Variants in FKBP5 observed in about 807,000 individuals in gnomAD.
FKBP5 encodes FKBP prolyl isomerase 5, also known as peptidyl-prolyl cis-trans isomerase FKBP5.
FKBP5 carries 23 observed loss-of-function variants against 50.5 expected under a neutral mutation model. The ratio of observed to expected loss-of-function variants is 0.46; its 90% CI spans 0.33 to 0.65. The LOEUF is 0.65. FKBP5 is among the 30% of genes least tolerant of loss of function. FKBP5 has a pLI of 0.02. For synonymous variants in FKBP5, 176 were observed against 190.6 expected, an observed-to-expected ratio of 0.92 and a Z score of 0.63; for missense variants, 411 against 553.1, an observed-to-expected ratio of 0.74 and a Z score of 2.58.
At chr6:35,644,622 G>A (rs959415161) in intron 1 of FKBP5, among the ~76,000 whole-genome samples, 3 of 152,140 alleles carry the variant, frequency 2.0e-5, no homozygotes, top group South Asian at 2.1e-4. Flanking sequence ...CAGGATAAGC[G>A]AAAGGCCAGA....
At chr6:35,601,588 AG>A (rs1339452842) in intron 5 of FKBP5, among the ~76,000 whole-genome samples, 1 of 152,204 alleles carries the variant, frequency 6.6e-6, no homozygotes, top group African/African-American at 2.4e-5. Flanking sequence ...AAAACAAAAC[AG>A]AACAAAAACC....
intron 2 of FKBP5, among the ~76,000 whole-genome samples, chr6:35,706,003 G>A (rs1018586197): frequency 2.0e-5 from 3 of 152,096 alleles, no homozygotes; most frequent in Non-Finnish European, 4.4e-5. Context: ...CCAGCTACTC[G>A]GTAGGCTGAG....
chr6:35,593,936 C>T (rs900811566), intron 6 of FKBP5, among the ~76,000 whole-genome samples: 5 of 152,064 alleles, frequency 3.3e-5, no homozygotes, highest in African/African-American at 1.2e-4. Flanking sequence ...ACTATATACA[C>T]TTGACCTAAA....
At chr6:35,647,565 T>C (rs1764664042) in intron 1 of FKBP5, among the ~76,000 whole-genome samples, 1 of 152,194 alleles carries the variant, frequency 6.6e-6, no homozygotes. Flanking sequence ...CACCAACTGT[T>C]AAGAGCAGCT....
intron 1 of FKBP5, among the ~76,000 whole-genome samples, chr6:35,655,693 C>A (rs770702822): frequency 6.6e-6 from 1 of 152,196 alleles, no homozygotes; most frequent in Non-Finnish European, 1.5e-5. Context: ...CATAAAGAAT[C>A]AGTGCTGAAA....
At chr6:35,709,252 G>A (rs1161908856) in intron 2 of FKBP5, among the ~76,000 whole-genome samples, 1 of 152,148 alleles carries the variant, frequency 6.6e-6, no homozygotes, top group Non-Finnish European at 1.5e-5. Context: ...TGGATCTCGT[G>A]AGACTTATTC....
At chr6:35,693,405 C>T (rs377083023), upstream of FKBP5, among the ~76,000 whole-genome samples, 80 of 151,908 alleles carry the variant, frequency 5.3e-4, no homozygotes, top group Middle Eastern at 3.4e-3. Context: ...CCTCCTGATC[C>T]GCCCGCCTCG....
In FKBP5 at chr6:35,581,190, T is replaced by A. The variant is rs143704979; in HGVS notation, c.841-969A>T. On this transcript the variant is annotated intron_variant, in intron 8 of 10. Coordinates refer to ENST00000357266, the MANE Select transcript of FKBP5 (RefSeq NM_004117.4). ...GAATATGAATAGTTGGATAGTAGCA[T>A]ACAACATAAATAACAACTATAAAAC... 663 of 981,838 alleles carry A rather than the reference T, an allele frequency of 6.8e-4. 21 individuals carry two copies. In the East Asian group the frequency reaches 0.049, roughly 73 times the overall value. The allele number at this position is 981,838 out of a possible 1,614,324, so 60.8% of individuals were successfully genotyped here.
At position 35,642,731 on chromosome 6, in the gene FKBP5, CCCTGT is replaced by C; in HGVS notation, c.89_93del (p.Asp30GlyfsTer13). On this transcript the variant is annotated frameshift_variant, in exon 2 of 11. Transcript: ENST00000357266. LOFTEE classifies it high-confidence loss of function. ...CTTTGTGGCCTCACCTTTAATACTC[CCCTGT>C]CTTTTTTGGAGGTAATATCCTCTCC... The C allele has an allele frequency of 6.2e-7, 1 of 1,613,602 alleles. No homozygotes were observed. The highest frequency in any genetic ancestry group is 8.5e-7 in the Non-Finnish European group (1 of 1,179,694).
intron 5 of FKBP5, among the ~76,000 whole-genome samples, chr6:35,615,772 ACTC>A (rs1045310708): frequency 6.6e-6 from 1 of 152,154 alleles, no homozygotes; most frequent in Admixed American, 6.5e-5. Flanking sequence ...ATAGTACTTC[ACTC>A]CTAATACTTT....
At chr6:35,701,336 C>T (rs1283983157) in intron 2 of FKBP5, among the ~76,000 whole-genome samples, 2 of 149,314 alleles carry the variant, frequency 1.3e-5, no homozygotes, top group Admixed American at 6.7e-5. Flanking sequence ...CTCCGCCTCC[C>T]GGGTTCACGC....
chr6:35,676,648 T>A (rs1431909165), intron 1 of FKBP5, among the ~76,000 whole-genome samples: 1 of 152,218 alleles, frequency 6.6e-6, no homozygotes, highest in Non-Finnish European at 1.5e-5. Flanking sequence ...CCCTATATTA[T>A]CTGTAGTTCC....
chr6:35,639,656 A>G (rs529091504), intron 2 of FKBP5, among the ~76,000 whole-genome samples: 1 of 152,324 alleles, frequency 6.6e-6, no homozygotes, highest in South Asian at 2.1e-4. Context: ...CTAAAAAAAG[A>G]CAATAGGATG....
chr6:35,597,511 T>C, intron 5 of FKBP5, 107 bp from the exon 6 acceptor site: 1 of 1,297,832 alleles, frequency 7.7e-7, no homozygotes, highest in East Asian at 2.5e-5. Flanking sequence ...CATTTCCCCT[T>C]TCTCATTTCA....
chr6:35,665,504 T>C (rs748918961), intron 1 of FKBP5, among the ~76,000 whole-genome samples: 2 of 152,178 alleles, frequency 1.3e-5, no homozygotes, highest in Admixed American at 1.3e-4. Context: ...TTTGCCAGAA[T>C]GGTCTCAATC....
intron 1 of FKBP5, among the ~76,000 whole-genome samples, chr6:35,688,424 G>A (rs1202500918): frequency 6.6e-6 from 1 of 152,076 alleles, no homozygotes; most frequent in Non-Finnish European, 1.5e-5. Context: ...AGGCGGAGCG[G>A]GACCTGTCAT....
At chr6:35,665,553 T>C (rs1295138895) in intron 1 of FKBP5, among the ~76,000 whole-genome samples, 1 of 152,188 alleles carries the variant, frequency 6.6e-6, no homozygotes, top group Non-Finnish European at 1.5e-5. Context: ...CCTCCCAAAG[T>C]GCTGGGATTA....
At chr6:35,582,742 A>C in intron 8 of FKBP5, 5 of 985,252 alleles carry the variant, frequency 5.1e-6, no homozygotes, top group Non-Finnish European at 6.0e-6. Flanking sequence ...CAAAAAAAAA[A>C]GAATAAAGTC....
chr6:35,672,151 A>G (rs1025267676), intron 1 of FKBP5, among the ~76,000 whole-genome samples: 2 of 152,180 alleles, frequency 1.3e-5, no homozygotes, highest in African/African-American at 4.8e-5. Context: ...TACAGGCGTG[A>G]GCGACCGTGA....
Sources: gnomAD v4.1 joint callset for allele counts (sites outside exome capture counted in the v4.1 genomes callset) on GRCh38, gnomAD v4.1.1 for gene constraint, MANE v1.5 for transcripts, NCBI Gene and HGNC (gene_info 2026-07-23, HGNC 2026-07-21) for gene names.